DBNDD1: variants seen among roughly 807,000 people sequenced by gnomAD.
DBNDD1 encodes the protein dysbindin domain containing 1.
A neutral mutation model predicts 17.0 loss-of-function variants in DBNDD1; 14 were observed. That is an observed-to-expected ratio of 0.82 (90% CI 0.54 to 1.29). DBNDD1 has a LOEUF of 1.29. Ranked by LOEUF, DBNDD1 falls within the 50% of genes most tolerant of loss-of-function variation. The pLI is 0.00. For missense variants in DBNDD1, 221 were observed against 216.2 expected (o/e 1.02, Z -0.14); for synonymous variants, 105 against 102.0 (o/e 1.03, Z -0.18).
intron 1 of DBNDD1, among the ~76,000 whole-genome samples, chr16:90,017,474 A>G (rs1350895860): frequency 2.0e-5 from 3 of 150,010 alleles, no homozygotes; most frequent in Admixed American, 6.7e-5. Context: ...CGGCCTGGGC[A>G]ACAGAGCGAG....
At chr16:90,010,219 T>C in intron 1 of DBNDD1, 1 of 575,206 alleles carries the variant, frequency 1.7e-6, no homozygotes, top group South Asian at 2.1e-5. Flanking sequence ...CTAATTTTTG[T>C]ATTTTTAGTA....
chr16:90,014,874 A>G (rs994499864), intron 1 of DBNDD1, among the ~76,000 whole-genome samples: 5 of 152,186 alleles, frequency 3.3e-5, no homozygotes, highest in African/African-American at 1.2e-4. Context: ...GTGTGGTGGT[A>G]CGTGCCTGTA....
intron 1 of DBNDD1, chr16:90,011,809 G>A: frequency 2.7e-6 from 1 of 377,232 alleles, no homozygotes; most frequent in African/African-American, 2.1e-5. Flanking sequence ...CAGGGGGTGA[G>A]ATGTGGACTC....
At chr16:90,006,658 C>T (rs1195968545) in intron 3 of DBNDD1, 166 bp from the exon 4 acceptor site, 2 of 880,008 alleles carry the variant, frequency 2.3e-6, no homozygotes, top group South Asian at 1.7e-5. Context: ...CCCCACCACA[C>T]ACTGGCCCCA....
chr16:90,008,981 C>T, intron 2 of DBNDD1, 57 bp from the exon 3 acceptor site: 2 of 1,491,450 alleles, frequency 1.3e-6, no homozygotes, highest in South Asian at 1.3e-5. Flanking sequence ...CTGCTCAGAG[C>T]CCCGGGGGTC....
chr16:90,010,118 T>C, intron 1 of DBNDD1: 2 of 1,451,758 alleles, frequency 1.4e-6, no homozygotes, highest in South Asian at 1.2e-5. Context: ...CAATCTCGGC[T>C]CACTGCAACC....
upstream of DBNDD1, chr16:90,019,727 C>G (rs1325138410): frequency 2.0e-5 from 13 of 653,932 alleles, no homozygotes; most frequent in Non-Finnish European, 3.6e-5. This position sits in a 1 kb window ranked among gnomAD's most constrained non-coding sequence, Gnocchi z 6.1. Flanking sequence ...TGCGCACTCA[C>G]TTGGCGGCCG....
chr16:90,011,158 C>G (rs974572541), intron 1 of DBNDD1, among the ~76,000 whole-genome samples: 8 of 152,248 alleles, frequency 5.3e-5, no homozygotes, highest in Non-Finnish European at 1.0e-4. Context: ...GCGGTGAGCA[C>G]TGATCGTAGC....
At chr16:90,014,380 C>A (rs2151264326) in intron 1 of DBNDD1, among the ~76,000 whole-genome samples, 1 of 152,204 alleles carries the variant, frequency 6.6e-6, no homozygotes, top group East Asian at 2.0e-4. Context: ...CCGCCTTGGC[C>A]TCCCAAAGTG....
chr16:90,014,822 A>G lies in DBNDD1; in HGVS notation c.31+4489T>C, dbSNP rs150509719. Among the ~76,000 whole-genome samples the G allele has an allele frequency of 4.5e-3, 679 of 152,216 alleles. 4 individuals carry two copies. The highest frequency in any genetic ancestry group is 0.015 in the African/African-American group (643 of 41,534). On this transcript the variant is annotated intron_variant, in intron 1 of 3. Transcript: ENST00000002501. ...GAGTTCGAGACCAGTCTGGGCCAAC[A>G]TGGCGAAACCCCGTCTCTACTAAAA...
In DBNDD1 at chr16:90,006,395, G is replaced by A. The variant is rs770953017; in HGVS notation, c.417C>T (p.Pro139=). 41 of 1,607,126 alleles carry A rather than the reference G, an allele frequency of 2.6e-5. No homozygotes were observed. Among genetic ancestry groups the A allele is most frequent in the Non-Finnish European group, 3.3e-5 (39 of 1,179,774 alleles). The change falls in exon 4 of 4, where the codon CCC becomes CCT. Residue 139 remains proline (P), a synonymous_variant. Transcript: ENST00000002501. The stretch of plus-strand genomic sequence containing the variant: ...TGTCCAGGACTGTGGCCTGCCGCTC[G>A]GGGTCGCCTAGGGGCTGCTTCTCGT... ...QSHEKQPLGD[P]ERQATVLDTF...
Position 90,009,329 on chromosome 16 carries a change from T to A in DBNDD1, c.133A>T (p.Ile45Phe), listed in dbSNP as rs1427112746. Reference protein sequence around the residue: ...HTPVEEEVGGIPVPAPGLLQV... With the variant: ...HTPVEEEVGGFPVPAPGLLQV... ...AGGAGCCCCGGTGCTGGTACTGGGA[T>A]GCCCCCGACCTCCTCCTCCACAGGC... Residue 45 changes from isoleucine (I) to phenylalanine (F), a missense_variant, in exon 2 of 4, where the codon ATC becomes TTC. Physicochemically the swap from Ile to Phe is conservative, Grantham distance 21. Coordinates refer to ENST00000002501, the MANE Select transcript of DBNDD1 (RefSeq NM_001042610.3). The A allele has an allele frequency of 6.2e-7, 1 of 1,613,564 alleles. No individual in the cohort carries two copies. The highest frequency in any genetic ancestry group is 1.3e-5 in the African/African-American group (1 of 75,060).
chr16:90,011,976 A>G (rs543292653), intron 1 of DBNDD1, among the ~76,000 whole-genome samples: 1 of 152,298 alleles, frequency 6.6e-6, no homozygotes, highest in Admixed American at 6.5e-5. Flanking sequence ...AGTGTAGACC[A>G]AAGCCCCAGG....
In DBNDD1 at chr16:90,006,109, T is replaced by C; in HGVS notation, c.*226A>G. ...CTCCCAGAGGCATCCGGGGGCCCCG[T>C]GTGTCCCCCAGGAAAGCCGGCTGGT... On this transcript the variant is annotated 3_prime_UTR_variant, in exon 4 of 4. Transcript: ENST00000002501. The C allele has an allele frequency of 3.2e-6, 2 of 617,724 alleles. No homozygotes were observed. Among genetic ancestry groups the C allele is most frequent in the Non-Finnish European group, 5.3e-6 (2 of 375,556 alleles). 38.3% of individuals were successfully genotyped at this position (617,724 alleles called of 1,614,324 possible). A position where few individuals can be genotyped will look rare whatever the true frequency, so the allele number is the denominator to read the frequency against.
At chr16:90,010,525 A>G (rs967926400) in intron 1 of DBNDD1, among the ~76,000 whole-genome samples, 12 of 138,934 alleles carry the variant, frequency 8.6e-5, no homozygotes, top group African/African-American at 2.5e-4. Flanking sequence ...CCGCCACCAC[A>G]CCCAGCTAAT....
intron 1 of DBNDD1, among the ~76,000 whole-genome samples, chr16:90,017,122 C>G (rs1027467293): frequency 2.6e-5 from 4 of 152,260 alleles, no homozygotes; most frequent in Middle Eastern, 3.2e-3. Flanking sequence ...CACACGTGCA[C>G]CTCCGTGTTC....
At chr16:90,006,733 G>A (rs900577363) in intron 3 of DBNDD1, 2 of 566,638 alleles carry the variant, frequency 3.5e-6, no homozygotes, top group East Asian at 3.0e-5. Flanking sequence ...GCTCCCCGGA[G>A]TCACTGTATA....
Position 90,006,208 on chromosome 16 carries a change from T to G in DBNDD1, c.*127A>C. 3 of 1,272,114 alleles carry G rather than the reference T, an allele frequency of 2.4e-6. No individual in the cohort carries two copies. The highest frequency in any genetic ancestry group is 3.2e-6 in the Non-Finnish European group (3 of 938,526). The allele number at this position is 1,272,114 out of a possible 1,614,324, so 78.8% of individuals were successfully genotyped here. A position where few individuals can be genotyped will look rare whatever the true frequency, so the allele number is the denominator to read the frequency against. On this transcript the variant is annotated 3_prime_UTR_variant, in exon 4 of 4. Coordinates refer to ENST00000002501, the MANE Select transcript of DBNDD1 (RefSeq NM_001042610.3). ...GGCTGGCAGAGAGCTGCCCCCAGGG[T>G]GTGTGTCAGGAGGTGACGGCTGGAG... is the stretch of plus-strand genomic sequence containing the variant.
chr16:90,009,060 C>T (rs557220330), intron 2 of DBNDD1, 136 bp from the exon 3 acceptor site: 29 of 1,276,544 alleles, frequency 2.3e-5, no homozygotes, highest in South Asian at 4.7e-5. Context: ...AAGCCCACAC[C>T]GGCAGGATCT....
Sources: allele counts gnomAD v4.1 joint callset (sites outside exome capture counted in the v4.1 genomes callset), GRCh38; gene constraint gnomAD v4.1.1; non-coding constraint Gnocchi (gnomAD v3.1); transcripts MANE v1.5; gene names NCBI Gene and HGNC (gene_info 2026-07-23, HGNC 2026-07-21).